CARM1: variants seen among roughly 807,000 people sequenced by gnomAD.
The protein encoded by CARM1 is coactivator associated arginine methyltransferase 1, also known as histone-arginine methyltransferase CARM1.
CARM1 carries 14 observed loss-of-function variants against 72.7 expected under a neutral mutation model. The observed-to-expected ratio is 0.19, with a 90% confidence interval of 0.13 to 0.30. The LOEUF (loss-of-function observed/expected upper bound fraction) is 0.30, where lower values mean the gene tolerates loss of function less well. Ranked by LOEUF, CARM1 falls within the 10% of genes least tolerant of loss-of-function variation. CARM1 has a pLI of 1.00. For missense variants in CARM1, 432 were observed against 833.7 expected, an observed-to-expected ratio of 0.52 and a Z score of 5.93; for synonymous variants, 333 against 345.5, an observed-to-expected ratio of 0.96 and a Z score of 0.40.
At chr19:10,873,643 T>G (rs1298316236) in intron 1 of CARM1, among the ~76,000 whole-genome samples, 52 of 125,180 alleles carry the variant, frequency 4.2e-4, no homozygotes, top group Middle Eastern at 7.2e-3. Flanking sequence ...TTTTTTTTTT[T>G]TTTTTTTTTT....
At chr19:10,910,435 T>G (rs994447984) in intron 4 of CARM1, among the ~76,000 whole-genome samples, 2 of 151,038 alleles carry the variant, frequency 1.3e-5, no homozygotes, top group Non-Finnish European at 3.0e-5. Flanking sequence ...GAGCCGAGAT[T>G]GTGCCACTGC....
At chr19:10,911,407 C>T (rs113579510) in intron 4 of CARM1, among the ~76,000 whole-genome samples, 1 of 152,302 alleles carries the variant, frequency 6.6e-6, no homozygotes, top group Non-Finnish European at 1.5e-5. Context: ...CGAGCCTCCT[C>T]CTGGCCACTG....
intron 1 of CARM1, among the ~76,000 whole-genome samples, chr19:10,903,969 G>A (rs2074084542): frequency 6.6e-6 from 1 of 152,152 alleles, no homozygotes; most frequent in Non-Finnish European, 1.5e-5. Flanking sequence ...CTCCCAAAGT[G>A]CTGGGATTAG....
chr19:10,893,227 G>A (rs2074000640), intron 1 of CARM1, among the ~76,000 whole-genome samples: 1 of 151,176 alleles, frequency 6.6e-6, no homozygotes, highest in Admixed American at 6.6e-5. Flanking sequence ...AGTAGAGACG[G>A]GGTTTCACCA....
intron 1 of CARM1, among the ~76,000 whole-genome samples, chr19:10,898,019 ATG>A (rs1435111256): frequency 6.6e-6 from 1 of 151,878 alleles, no homozygotes; most frequent in Non-Finnish European, 1.5e-5. Flanking sequence ...AGGCAGGAGA[ATG>A]GCGTGAACCC....
chr19:10,884,049 T>A, intron 1 of CARM1, among the ~76,000 whole-genome samples: 1 of 149,156 alleles, frequency 6.7e-6, no homozygotes, highest in Non-Finnish European at 1.5e-5. Context: ...GTTTTTTGTT[T>A]TTTTAATTAC....
chr19:10,875,277 G>A (rs187720955), intron 1 of CARM1, among the ~76,000 whole-genome samples: 77 of 152,082 alleles, frequency 5.1e-4, no homozygotes, highest in Middle Eastern at 6.8e-3. Flanking sequence ...TTGCAGCAGC[G>A]AAACCCAAGT....
chr19:10,889,463 C>T (rs1224030502), intron 1 of CARM1, among the ~76,000 whole-genome samples: 1 of 150,852 alleles, frequency 6.6e-6, no homozygotes, highest in Admixed American at 6.6e-5. Flanking sequence ...TACAGGTGTT[C>T]ACCACCATGC....
chr19:10,873,695 A>C (rs1006175658), intron 1 of CARM1, among the ~76,000 whole-genome samples: 1 of 113,418 alleles, frequency 8.8e-6, no homozygotes, highest in Non-Finnish European at 1.6e-5. Flanking sequence ...GCTGAAGTGC[A>C]GTGGCTCAAT....
intron 1 of CARM1, among the ~76,000 whole-genome samples, chr19:10,886,040 T>TTTTC (rs907528856): frequency 1.3e-5 from 2 of 150,644 alleles, no homozygotes; most frequent in Non-Finnish European, 3.0e-5. Flanking sequence ...TGGCTAATTT[T>TTTTC]TTTCTTTCTT....
intron 1 of CARM1, among the ~76,000 whole-genome samples, chr19:10,886,707 T>A (rs1383025621): frequency 1.3e-5 from 2 of 152,026 alleles, no homozygotes; most frequent in Non-Finnish European, 2.9e-5. Flanking sequence ...GGCAGGCACC[T>A]GTAATCTCAG....
At chr19:10,889,151 A>C (rs1055502998) in intron 1 of CARM1, among the ~76,000 whole-genome samples, 1 of 152,118 alleles carries the variant, frequency 6.6e-6, no homozygotes, top group African/African-American at 2.4e-5. Context: ...AGTCTGGGGC[A>C]GGGGGAAAGG....
rs2074199061 is a variant in CARM1 at position 10,916,644 on chromosome 19, C to T, written c.939-52C>T. ...TGGGAGAGAAGGCAGGGCTACCCCA[C>T]CTGCCTCTTCTGCAGCCCTGACCTT... On this transcript the variant is annotated intron_variant, in intron 7 of 15. Transcript: ENST00000327064. The surrounding 1 kb of genome is among the most constrained non-coding windows in gnomAD (Gnocchi z 4.4). The T allele has an allele frequency of 1.3e-6, 2 of 1,498,532 alleles. No homozygotes were observed. Among genetic ancestry groups the T allele is most frequent in the South Asian group, 1.2e-5 (1 of 83,372 alleles). 92.8% of individuals were successfully genotyped at this position (1,498,532 alleles called of 1,614,324 possible).
chr19:10,874,549 C>A lies in CARM1; in HGVS notation c.220+2627C>A, dbSNP rs1353939182. Among the ~76,000 whole-genome samples, 3 of 151,970 alleles carry A rather than the reference C, an allele frequency of 2.0e-5. No homozygotes were observed. The East Asian group carries it at 5.8e-4, about 30-fold the overall frequency. On this transcript the variant is annotated intron_variant, in intron 1 of 15. Transcript: ENST00000327064. ...CTGGGACCACAGGCATGTGCCACAC[C>A]CAGCTAATCTTTCATATTTTTTGTA...
rs755361805 is a variant in CARM1 at position 10,921,954 on chromosome 19, G to A, written c.*197G>A. ...TAACCCCCACCTCCCGGCCCTGAGCGTGTGTCGCTGCCATATTTTACACAA... is the reference window on the plus strand; with the variant it reads ...TAACCCCCACCTCCCGGCCCTGAGCATGTGTCGCTGCCATATTTTACACAA... On this transcript the variant is annotated 3_prime_UTR_variant, in exon 16 of 16. Transcript: ENST00000327064. 38 of 540,202 alleles carry A rather than the reference G, an allele frequency of 7.0e-5. No individual in the cohort carries two copies. The highest frequency in any genetic ancestry group is 1.0e-4 in the Non-Finnish European group (31 of 308,774). 33.5% of individuals were successfully genotyped at this position (540,202 alleles called of 1,614,324 possible).
chr19:10,918,743 T>C (rs939899002), intron 8 of CARM1, among the ~76,000 whole-genome samples: 3 of 152,194 alleles, frequency 2.0e-5, no homozygotes, highest in Non-Finnish European at 4.4e-5. Context: ...CCAAGGAAGC[T>C]GCTGAAAGGT....
Position 10,921,761 on chromosome 19 carries a change from C to A in CARM1, c.*4C>A. On this transcript the variant is annotated 3_prime_UTR_variant, in exon 16 of 16. Transcript: ENST00000327064. The stretch of plus-strand genomic sequence containing the variant: ...CACCATGCACTACGGGAGCTAGGGG[C>A]CCGCCCCGCGGACTGACAGCACCAG... 1.3e-6 allele frequency: 2 copies of A among 1,583,622 alleles called. No homozygotes were observed. Among genetic ancestry groups the A allele is most frequent in the Non-Finnish European group, 1.7e-6 (2 of 1,160,634 alleles).
At chr19:10,894,141 C>T (rs1055199216) in intron 1 of CARM1, among the ~76,000 whole-genome samples, 40 of 152,196 alleles carry the variant, frequency 2.6e-4, no homozygotes, top group African/African-American at 8.7e-4. Flanking sequence ...GGGCCTGGTC[C>T]GCATGCATCA....
At chr19:10,910,245 G>C (rs2074138176) in intron 4 of CARM1, among the ~76,000 whole-genome samples, 1 of 152,214 alleles carries the variant, frequency 6.6e-6, no homozygotes, top group East Asian at 1.9e-4. Flanking sequence ...GGGAGGCTGA[G>C]GCAGGTGGAT....
Sources: allele counts gnomAD v4.1 joint callset (sites outside exome capture counted in the v4.1 genomes callset), GRCh38; gene constraint gnomAD v4.1.1; non-coding constraint Gnocchi (gnomAD v3.1); transcripts MANE v1.5; gene names NCBI Gene and HGNC (gene_info 2026-07-23, HGNC 2026-07-21).